The following ZUP1 variants were observed in gnomAD, a reference collection of about 807,000 sequenced individuals.
The protein encoded by ZUP1 is zinc finger containing ubiquitin peptidase 1.
Under a neutral mutation model 68.1 loss-of-function variants are expected in ZUP1, and 55 were observed. The observed-to-expected ratio is 0.81, with a 90% CI of 0.65 to 1.01. The LOEUF is 1.01. ZUP1 is among the 50% of genes least tolerant of loss of function. The pLI is 0.00. For missense variants in ZUP1, 684 were observed against 674.9 expected, an observed-to-expected ratio of 1.01 and a Z score of -0.15; for synonymous variants, 223 against 221.5, an observed-to-expected ratio of 1.01 and a Z score of -0.06.
chr6:116,645,607 A>G (rs1203064611), intron 9 of ZUP1, 107 bp downstream of exon 9: 2 of 856,612 alleles, frequency 2.3e-6, no homozygotes, highest in Admixed American at 3.2e-5. Context: ...AAAAAGAAAA[A>G]GAATAGAAAA....
chr6:116,668,082 AAAGACTATT>A (rs1777064086), intron 1 of ZUP1, among the ~76,000 whole-genome samples: 1 of 152,212 alleles, frequency 6.6e-6, no homozygotes, highest in Admixed American at 6.5e-5. Flanking sequence ...TCGTTCAGCT[AAAGACTATT>A]TAAAATCAAA....
chr6:116,639,172 C>G (rs1776006633), intron 9 of ZUP1, among the ~76,000 whole-genome samples: 1 of 152,128 alleles, frequency 6.6e-6, no homozygotes, highest in African/African-American at 2.4e-5. Context: ...CTTAGGTAAA[C>G]AAAGCAGCCG....
At chr6:116,638,734 G>A (rs900502189) in intron 9 of ZUP1, among the ~76,000 whole-genome samples, 14 of 152,154 alleles carry the variant, frequency 9.2e-5, no homozygotes, top group African/African-American at 1.2e-4. Context: ...GAACAGCTCC[G>A]GTCTACAGCT....
At chr6:116,659,279 G>C (rs1049624435) in intron 3 of ZUP1, among the ~76,000 whole-genome samples, 4 of 152,088 alleles carry the variant, frequency 2.6e-5, no homozygotes, top group African/African-American at 4.8e-5. Context: ...ACAGGTGCCT[G>C]CCACCATGCC....
intron 9 of ZUP1, among the ~76,000 whole-genome samples, chr6:116,644,861 T>TA (rs61280911): frequency 2.8e-4 from 41 of 148,730 alleles, no homozygotes; most frequent in African/African-American, 9.4e-4. Flanking sequence ...TAATAAATAA[T>TA]AAAAAAAGAA....
chr6:116,637,629 A>G lies in ZUP1; in HGVS notation c.1690-1750T>C, dbSNP rs754495899. Among the ~76,000 whole-genome samples, 10 of 152,370 alleles carry G rather than the reference A, an allele frequency of 6.6e-5. No individual in the cohort carries two copies. The South Asian group carries it at 8.3e-4, about 13-fold the overall frequency. On this transcript the variant is annotated intron_variant, in intron 9 of 9. Coordinates refer to ENST00000368576, the MANE Select transcript of ZUP1 (RefSeq NM_145062.3). ...AAAACCAGAAAGACAACAGCCAACT[A>G]AAATGTTCAGCAAGACTCCACAGTA...
intron 7 of ZUP1, among the ~76,000 whole-genome samples, chr6:116,651,092 A>T (rs1163112294): frequency 1.3e-5 from 2 of 152,180 alleles, no homozygotes; most frequent in Non-Finnish European, 2.9e-5. Context: ...TGAGGCCATG[A>T]TGTCGTCACA....
At chr6:116,661,604 C>T (rs1776843838) in intron 2 of ZUP1, among the ~76,000 whole-genome samples, 1 of 152,188 alleles carries the variant, frequency 6.6e-6, no homozygotes, top group African/African-American at 2.4e-5. Flanking sequence ...GCAGACAGGT[C>T]TAGCTTGCCA....
Position 116,658,841 on chromosome 6 carries a change from C to T in ZUP1, c.754G>A (p.Glu252Lys). 1 of 1,606,790 alleles carries T rather than the reference C, an allele frequency of 6.2e-7. No individual in the cohort carries two copies. Residue 252 changes from glutamate to lysine, a missense_variant, in exon 4 of 10, where the codon GAA becomes AAA. Physicochemically the swap from Glu to Lys is moderately conservative, Grantham distance 56 (BLOSUM62 1). Coordinates refer to ENST00000368576, the MANE Select transcript of ZUP1 (RefSeq NM_145062.3). ...AATTCTTCTATTTCTTGTCTTGATT[C>T]TTCAGATCTCCTCTTTCTGTCTTCT... ...QEEDRKRRSE[E>K]SRQEIEEFQK...
At chr6:116,665,420 T>A (rs544706266) in intron 2 of ZUP1, among the ~76,000 whole-genome samples, 8 of 152,034 alleles carry the variant, frequency 5.3e-5, no homozygotes, top group Non-Finnish European at 1.0e-4. Context: ...AAGAAGAAAT[T>A]GTCAAGTTGC....
intron 7 of ZUP1, among the ~76,000 whole-genome samples, chr6:116,648,867 G>A (rs1337387235): frequency 6.6e-6 from 1 of 151,846 alleles, no homozygotes; most frequent in East Asian, 1.9e-4. Context: ...CTACTCAGGA[G>A]GCAAAGGCAC....
rs145353256 is a variant in ZUP1, at chr6:116,667,296, G to A, written c.-15-89C>T. 34 of 814,778 alleles carry A rather than the reference G, an allele frequency of 4.2e-5. No individual in the cohort carries two copies. In the East Asian group the frequency reaches 6.1e-4, roughly 15 times the overall value. The allele number at this position is 814,778 out of a possible 1,614,324, so 50.5% of individuals were successfully genotyped here. Reference sequence around the variant, plus strand: ...TTGAGACAATTACTTGGTCTTTAACGCTGGATTATTTTGATGAAGAAGTTT... The same window carrying A: ...TTGAGACAATTACTTGGTCTTTAACACTGGATTATTTTGATGAAGAAGTTT... On this transcript the variant is annotated intron_variant, in intron 1 of 9. Coordinates refer to ENST00000368576, the MANE Select transcript of ZUP1 (RefSeq NM_145062.3).
Position 116,647,480 on chromosome 6 carries a change from G to A in ZUP1, c.1447C>T (p.Pro483Ser), listed in dbSNP as rs1269110269. 2 of 1,570,792 alleles carry A rather than the reference G, an allele frequency of 1.3e-6. No individual in the cohort carries two copies. The highest frequency in any genetic ancestry group is 1.2e-5 in the South Asian group (1 of 83,826). The change falls in exon 8 of 10, where the codon CCT becomes TCT. Residue 483 changes from proline (P) to serine (S), a missense_variant. Physicochemically the swap from Pro to Ser is moderately conservative, Grantham distance 74. Transcript: ENST00000368576. ...SPKVVCTSKP[P>S]IYLQHQGHSR... ...TAACCTTGATGCTGAAGATAGATAG[G>A]AGGTTTAGATGTACACACTACCTTT...
intron 9 of ZUP1, among the ~76,000 whole-genome samples, chr6:116,640,338 T>C (rs1053506120): frequency 1.1e-4 from 16 of 151,968 alleles, no homozygotes; most frequent in Non-Finnish European, 1.9e-4. Context: ...ATACAGAGAA[T>C]GCCACAAAGA....
intron 2 of ZUP1, among the ~76,000 whole-genome samples, chr6:116,662,277 C>T (rs981215146): frequency 2.1e-4 from 32 of 152,296 alleles, no homozygotes; most frequent in African/African-American, 6.7e-4. Context: ...CTTTGCTTAT[C>T]GCTTTGATCA....
chr6:116,637,749 C>A (rs185371238), intron 9 of ZUP1, among the ~76,000 whole-genome samples: 3 of 152,166 alleles, frequency 2.0e-5, no homozygotes, highest in Admixed American at 2.0e-4. Flanking sequence ...TTTATCTAGA[C>A]AAATTAATGA....
chr6:116,638,547 A>C (rs2115376042), intron 9 of ZUP1, among the ~76,000 whole-genome samples: 1 of 152,346 alleles, frequency 6.6e-6, no homozygotes, highest in East Asian at 1.9e-4. Flanking sequence ...CTTAGGAGTC[A>C]CAAGAATCAT....
chr6:116,664,257 C>G (rs1001545146), intron 2 of ZUP1, among the ~76,000 whole-genome samples: 3 of 148,688 alleles, frequency 2.0e-5, no homozygotes, highest in Non-Finnish European at 1.5e-5. Flanking sequence ...ATGGCGAAAC[C>G]CTGTCTCTAC....
At chr6:116,657,620 G>C (rs1776711124) in intron 4 of ZUP1, among the ~76,000 whole-genome samples, 1 of 152,142 alleles carries the variant, frequency 6.6e-6, no homozygotes, top group South Asian at 2.1e-4. Context: ...GAAAAAAAGA[G>C]AGGTCAAACA....
Sources: gnomAD v4.1 joint callset for allele counts (sites outside exome capture counted in the v4.1 genomes callset) on GRCh38, gnomAD v4.1.1 for gene constraint, MANE v1.5 for transcripts, NCBI Gene and HGNC (gene_info 2026-07-23, HGNC 2026-07-21) for gene names.